Variants in ESRRG observed in about 807,000 individuals in gnomAD.
The protein encoded by ESRRG is estrogen-related receptor gamma.
Under a neutral mutation model 44.0 loss-of-function variants are expected in ESRRG, and 13 were observed. That is an observed-to-expected ratio of 0.30 (90% CI 0.19 to 0.47). The LOEUF (loss-of-function observed/expected upper bound fraction) is 0.47. Ranked by LOEUF, ESRRG falls within the 20% of genes least tolerant of loss-of-function variation. ESRRG has a pLI of 1.00. For synonymous variants in ESRRG, 215 were observed against 214.6 expected (o/e 1.00, Z -0.02); for missense variants, 395 against 580.6 (o/e 0.68, Z 3.29).
chr1:216,653,367 T>C (rs187938953), intron 2 of ESRRG, among the ~76,000 whole-genome samples: 11 of 152,196 alleles, frequency 7.2e-5, no homozygotes, highest in Non-Finnish European at 1.5e-5. Flanking sequence ...TTTGATCACG[T>C]CATTATGCTG....
At chr1:216,752,460 A>C (rs527872051) in intron 2 of ESRRG, among the ~76,000 whole-genome samples, 63 of 152,310 alleles carry the variant, frequency 4.1e-4, no homozygotes, top group African/African-American at 1.2e-3. Context: ...ATAAAATGCC[A>C]GACAGGAATG....
At chr1:216,564,161 C>T in intron 5 of ESRRG, 58 bp downstream of exon 5, 1 of 1,115,758 alleles carries the variant, frequency 9.0e-7, no homozygotes, top group South Asian at 2.1e-5. Context: ...AATCTATATA[C>T]ATAACCTAGG....
intron 1 of ESRRG, among the ~76,000 whole-genome samples, chr1:217,067,004 A>G (rs1005229419): frequency 6.6e-6 from 1 of 152,252 alleles, no homozygotes; most frequent in African/African-American, 2.4e-5. Context: ...ACTGAAACCC[A>G]TTGCCTAACA....
At chr1:217,002,762 C>T (rs1023644363) in intron 1 of ESRRG, among the ~76,000 whole-genome samples, 5 of 152,078 alleles carry the variant, frequency 3.3e-5, no homozygotes, top group Admixed American at 1.3e-4. Context: ...AACCAATTTG[C>T]CAGCCATATG....
At chr1:217,038,661 C>T (rs1202606477) in intron 1 of ESRRG, among the ~76,000 whole-genome samples, 2 of 152,204 alleles carry the variant, frequency 1.3e-5, no homozygotes, top group Non-Finnish European at 2.9e-5. Context: ...GCCAGGAAGC[C>T]ATCTTTTCTT....
chr1:217,021,182 G>T (rs1036154175), intron 1 of ESRRG, among the ~76,000 whole-genome samples: 1 of 152,012 alleles, frequency 6.6e-6, no homozygotes, highest in Admixed American at 6.6e-5. Flanking sequence ...TGTTCCTCAC[G>T]TTCACAGACA....
intron 2 of ESRRG, among the ~76,000 whole-genome samples, chr1:216,763,092 G>A (rs2092884153): frequency 1.3e-5 from 2 of 152,078 alleles, no homozygotes; most frequent in African/African-American, 4.8e-5. Context: ...AAGAAGGGGA[G>A]ACAATTATAT....
At chr1:217,093,626 T>C (rs1309536304), upstream of ESRRG, among the ~76,000 whole-genome samples, 1 of 151,686 alleles carries the variant, frequency 6.6e-6, no homozygotes, top group Admixed American at 6.6e-5. Context: ...CTGCAAGAAA[T>C]AGAAAAAATC....
intron 5 of ESRRG, among the ~76,000 whole-genome samples, chr1:216,527,952 G>A (rs550645957): frequency 1.3e-5 from 2 of 151,942 alleles, no homozygotes; most frequent in Admixed American, 6.6e-5. Flanking sequence ...AACTCTTCAG[G>A]GTGGAGATCT....
intron 2 of ESRRG, among the ~76,000 whole-genome samples, chr1:216,937,963 G>T (rs183827998): frequency 1.3e-5 from 2 of 151,190 alleles, no homozygotes; most frequent in Non-Finnish European, 2.9e-5. Flanking sequence ...AGGTGAAGGT[G>T]TTTTTCTTGG....
At chr1:216,972,030 TACCTCTGATG>T (rs1205297717) in intron 1 of ESRRG, among the ~76,000 whole-genome samples, 2 of 152,240 alleles carry the variant, frequency 1.3e-5, no homozygotes, top group Non-Finnish European at 2.9e-5. Context: ...TAGACATTAT[TACCTCTGATG>T]AACAAAATTG....
At chr1:216,611,211 CAAAAAAAA>C (rs397861468) in intron 3 of ESRRG, among the ~76,000 whole-genome samples, 26 of 60,440 alleles carry the variant, frequency 4.3e-4, no homozygotes, top group African/African-American at 1.9e-3. Context: ...ACTCCGTCCT[CAAAAAAAA>C]AAAAAAAAAA....
At chr1:216,520,840 CT>C (rs34584048) in intron 5 of ESRRG, among the ~76,000 whole-genome samples, 2 of 152,240 alleles carry the variant, frequency 1.3e-5, no homozygotes, top group African/African-American at 4.8e-5. Context: ...GATGCCCAAC[CT>C]TTTTAGGCTG....
chr1:216,629,946 A>C (rs2063836633), intron 3 of ESRRG, among the ~76,000 whole-genome samples: 1 of 152,278 alleles, frequency 6.6e-6, no homozygotes, highest in African/African-American at 2.4e-5. Flanking sequence ...TGCTTGTAAA[A>C]ATTTTAAAAG....
At chr1:216,531,623 T>C (rs1191214003) in intron 5 of ESRRG, among the ~76,000 whole-genome samples, 1 of 152,102 alleles carries the variant, frequency 6.6e-6, no homozygotes, top group Non-Finnish European at 1.5e-5. Flanking sequence ...CTCAACCATA[T>C]GAATGCAGAA....
intron 2 of ESRRG, among the ~76,000 whole-genome samples, chr1:216,866,026 T>G (rs1264560613): frequency 6.6e-6 from 1 of 152,228 alleles, no homozygotes; most frequent in African/African-American, 2.4e-5. Flanking sequence ...AATTATAAAC[T>G]GTGCTTGAAA....
intron 2 of ESRRG, among the ~76,000 whole-genome samples, chr1:216,790,251 C>T (rs1174159479): frequency 6.6e-6 from 1 of 152,112 alleles, no homozygotes; most frequent in East Asian, 1.9e-4. Flanking sequence ...GAGACTGTCA[C>T]AGAAACTTAT....
chr1:216,926,493 C>T (rs2062602714), intron 2 of ESRRG, among the ~76,000 whole-genome samples: 2 of 151,524 alleles, frequency 1.3e-5, no homozygotes. Context: ...GTCCAAAGAC[C>T]AAATGGTTTG....
chr1:216,767,874 A>G (rs968292054), intron 2 of ESRRG, among the ~76,000 whole-genome samples: 1 of 152,190 alleles, frequency 6.6e-6, no homozygotes, highest in Admixed American at 6.6e-5. Flanking sequence ...TTTGTTCCCA[A>G]CACAACTCTT....
Sources: gnomAD v4.1 joint callset for allele counts (sites outside exome capture counted in the v4.1 genomes callset) on GRCh38, gnomAD v4.1.1 for gene constraint, MANE v1.5 for transcripts, NCBI Gene and HGNC (gene_info 2026-07-23, HGNC 2026-07-21) for gene names.